RARS2: variants seen among roughly 807,000 people sequenced by gnomAD.
RARS2 encodes the protein probable arginine--tRNA ligase, mitochondrial.
A neutral mutation model predicts 88.5 loss-of-function variants in RARS2; 67 were observed. The ratio of observed to expected loss-of-function variants is 0.76; its 90% CI spans 0.62 to 0.93. RARS2 has a LOEUF of 0.93. RARS2 is among the 40% of genes least tolerant of loss of function. RARS2 has a pLI of 0.00. For missense variants in RARS2, 664 were observed against 684.2 expected, an observed-to-expected ratio of 0.97 and a Z score of 0.33; for synonymous variants, 239 against 230.3, an observed-to-expected ratio of 1.04 and a Z score of -0.34.
chr6:87,589,728 A>T, intron 1 of RARS2, 194 bp downstream of exon 1: 8 of 985,398 alleles, frequency 8.1e-6, no homozygotes, highest in Non-Finnish European at 9.6e-6. Context: ...TCACCGAGAC[A>T]AACTGATCCC....
intron 1 of RARS2, among the ~76,000 whole-genome samples, chr6:87,570,268 A>G: frequency 6.6e-6 from 1 of 152,102 alleles, no homozygotes. Context: ...AACTCCCCAA[A>G]GTACTGGGAT....
chr6:87,519,498 C>T lies in RARS2; in HGVS notation c.1237+85G>A, dbSNP rs915566488. The T allele has an allele frequency of 6.3e-6, 9 of 1,422,900 alleles. No homozygotes were observed. In the African/African-American group the frequency reaches 8.5e-5, roughly 13 times the overall value. The allele number at this position is 1,422,900 out of a possible 1,614,324, so 88.1% of individuals were successfully genotyped here. On this transcript the variant is annotated intron_variant, in intron 14 of 19. Transcript: ENST00000369536. Reference sequence around the variant, plus strand: ...AGTGACACTTCAATGGAGGGACAGACATAATAAATCACACTGCCCAAAGTC... The same window carrying T: ...AGTGACACTTCAATGGAGGGACAGATATAATAAATCACACTGCCCAAAGTC...
At chr6:87,572,246 C>T (rs1769995331) in intron 1 of RARS2, among the ~76,000 whole-genome samples, 2 of 152,122 alleles carry the variant, frequency 1.3e-5, no homozygotes, top group African/African-American at 4.8e-5. Context: ...AACTAGGGCT[C>T]TTGTGATGAC....
intron 1 of RARS2, among the ~76,000 whole-genome samples, chr6:87,574,723 C>A (rs1167401746): frequency 1.3e-5 from 2 of 152,062 alleles, no homozygotes; most frequent in Non-Finnish European, 2.9e-5. Context: ...GGATTTGGAA[C>A]TTACTGAGAA....
chr6:87,587,001 C>G (rs974823043), intron 1 of RARS2, among the ~76,000 whole-genome samples: 2 of 152,032 alleles, frequency 1.3e-5, no homozygotes, highest in Non-Finnish European at 2.9e-5. Context: ...CTCCACCTCT[C>G]AGGTTCAAGT....
chr6:87,589,843 A>G (rs1331412577), intron 1 of RARS2, 79 bp downstream of exon 1: 1 of 1,613,640 alleles, frequency 6.2e-7, no homozygotes, highest in Non-Finnish European at 8.5e-7. Context: ...CAGCTGACTG[A>G]GGACTGGCCC....
At chr6:87,559,089 G>T (rs375499580) in intron 4 of RARS2, among the ~76,000 whole-genome samples, 1 of 152,046 alleles carries the variant, frequency 6.6e-6, no homozygotes, top group East Asian at 1.9e-4. Flanking sequence ...TAAAAAATTA[G>T]AAAAAGCTTA....
At chr6:87,586,013 TGAA>T (rs1428914379) in intron 1 of RARS2, among the ~76,000 whole-genome samples, 1 of 152,172 alleles carries the variant, frequency 6.6e-6, no homozygotes, top group Non-Finnish European at 1.5e-5. Flanking sequence ...GAATGGAAGT[TGAA>T]GAAGTTAAGG....
intron 2 of RARS2, among the ~76,000 whole-genome samples, chr6:87,568,241 T>C (rs1476379325): frequency 2.0e-5 from 3 of 152,216 alleles, no homozygotes; most frequent in Non-Finnish European, 4.4e-5. Flanking sequence ...TTCATACTTG[T>C]AATCCCAGTA....
chr6:87,518,250 A>C lies in RARS2; in HGVS notation c.1430T>G (p.Phe477Cys). The C allele has an allele frequency of 6.2e-7, 1 of 1,614,170 alleles. No homozygotes were observed. The highest frequency in any genetic ancestry group is 8.5e-7 in the Non-Finnish European group (1 of 1,180,014). Residue 477 changes from phenylalanine (F) to cysteine (C), a missense_variant, in exon 17 of 20, where the codon TTT (phenylalanine) becomes TGT (cysteine). By Grantham distance (205) the Phe-to-Cys change is radical. Coordinates refer to ENST00000369536, the MANE Select transcript of RARS2 (RefSeq NM_020320.5). ...GAAGTCATTCAGGTACCCACATCCA[A>C]AAGTCTCTTCCAAACTTATCAAAAG... The part of the protein sequence containing the change: ...HARLHSLEET[F>C]GCGYLNDFNT...
intron 1 of RARS2, among the ~76,000 whole-genome samples, chr6:87,582,407 C>T (rs1330990103): frequency 6.6e-6 from 1 of 152,084 alleles, no homozygotes; most frequent in African/African-American, 2.4e-5. Context: ...ATGTCTTCTT[C>T]TGAGAAGTGT....
intron 10 of RARS2, among the ~76,000 whole-genome samples, chr6:87,525,404 CAATATGATCTTATAAATAGAAAACTCTG>C (rs1197785291): frequency 5.3e-5 from 8 of 151,562 alleles, no homozygotes; most frequent in South Asian, 2.1e-4. Context: ...CTTTTTTTTT[CAATATGATCTTATAAATAGAAAACTCTG>C]AATATGATCT....
Position 87,530,786 on chromosome 6 carries a change from T to G in RARS2, c.769A>C (p.Lys257Gln). The G allele has an allele frequency of 6.2e-7, 1 of 1,614,138 alleles. No homozygotes were observed. Among genetic ancestry groups the G allele is most frequent in the Non-Finnish European group, 8.5e-7 (1 of 1,179,992 alleles). Residue 257 changes from lysine (K) to glutamine (Q), a missense_variant and splice_region_variant, in exon 9 of 20, where the codon AAG becomes CAG. Physicochemically the swap from Lys to Gln is moderately conservative, Grantham distance 53. Transcript: ENST00000369536. ...CAGAAGGGAGGGTCAACCAATACCT[T>G]GTAAACCCGAATGTACTCTTCAATG... Reference protein sequence around the residue: ...LSIEEYIRVYKRLGVYFDEYS... With the variant: ...LSIEEYIRVYQRLGVYFDEYS...
chr6:87,531,244 A>G (rs1777441843), intron 8 of RARS2, among the ~76,000 whole-genome samples: 1 of 152,218 alleles, frequency 6.6e-6, no homozygotes, highest in African/African-American at 2.4e-5. Flanking sequence ...AAAATACTCA[A>G]TTTCCGAGAG....
Position 87,514,938 on chromosome 6 carries a change from A to C in RARS2, c.1650+19T>G. ...CTCAGGAGCTAGGGATTATACAGAA[A>C]ACATTCAACATAACGTACCCCAGCC... On this transcript the variant is annotated intron_variant, in intron 19 of 19. Coordinates refer to ENST00000369536, the MANE Select transcript of RARS2 (RefSeq NM_020320.5). The C allele has an allele frequency of 6.3e-7, 1 of 1,590,892 alleles. No homozygotes were observed. The highest frequency in any genetic ancestry group is 8.6e-7 in the Non-Finnish European group (1 of 1,158,888).
At chr6:87,564,435 G>A (rs1767209040) in intron 2 of RARS2, 7 of 546,460 alleles carry the variant, frequency 1.3e-5, no homozygotes, top group African/African-American at 1.9e-5. Context: ...TAAGGCAGGC[G>A]GATCACCTGA....
chr6:87,577,915 A>T (rs954252164), intron 1 of RARS2, among the ~76,000 whole-genome samples: 3 of 152,230 alleles, frequency 2.0e-5, no homozygotes, highest in Non-Finnish European at 4.4e-5. Context: ...TAGGAAATAC[A>T]TCAATAATTT....
chr6:87,552,935 G>A (rs1784807725), intron 5 of RARS2, among the ~76,000 whole-genome samples: 1 of 152,166 alleles, frequency 6.6e-6, no homozygotes, highest in Admixed American at 6.5e-5. Flanking sequence ...ATATGGTAAT[G>A]AAGTGCCTCC....
At chr6:87,519,182 ATATG>A (rs1181299312) in intron 14 of RARS2, 17 of 205,296 alleles carry the variant, frequency 8.3e-5, no homozygotes, top group African/African-American at 1.6e-4. Context: ...ATATAAATAT[ATATG>A]TGTGTGTGTG....
Sources: gnomAD v4.1 joint callset for allele counts (sites outside exome capture counted in the v4.1 genomes callset) on GRCh38, gnomAD v4.1.1 for gene constraint, MANE v1.5 for transcripts, NCBI Gene and HGNC (gene_info 2026-07-23, HGNC 2026-07-21) for gene names.